CLPTM1: variants seen among roughly 807,000 people sequenced by gnomAD.
The protein encoded by CLPTM1 is CLPTM1 regulator of GABA type A receptor forward trafficking.
In CLPTM1, 21 loss-of-function variants were observed where a neutral mutation model predicts 77.3. That is an observed-to-expected ratio of 0.27 (90% CI 0.19 to 0.39). CLPTM1 has a LOEUF of 0.39. CLPTM1 is among the 10% of genes least tolerant of loss of function. The pLI is 1.00. For missense variants in CLPTM1, 642 were observed against 921.2 expected, an observed-to-expected ratio of 0.70 and a Z score of 3.92; for synonymous variants, 373 against 381.0, an observed-to-expected ratio of 0.98 and a Z score of 0.24.
chr19:44,967,966 A>G (rs1568383004), intron 2 of CLPTM1, among the ~76,000 whole-genome samples: 1 of 152,174 alleles, frequency 6.6e-6, no homozygotes, highest in Non-Finnish European at 1.5e-5. Flanking sequence ...TCATGCTGCA[A>G]GCAGCTCTGC....
chr19:44,988,673 G>T (rs560810276), intron 9 of CLPTM1, among the ~76,000 whole-genome samples: 2 of 152,358 alleles, frequency 1.3e-5, no homozygotes, highest in Non-Finnish European at 2.9e-5. Flanking sequence ...CTCCCCAGTA[G>T]CTCCTTGAGC....
Position 44,988,065 on chromosome 19 carries a change from A to AT in CLPTM1, c.1039-14dup. The AT allele has an allele frequency of 6.3e-7, 1 of 1,590,284 alleles. No homozygotes were observed. Among genetic ancestry groups the AT allele is most frequent in the Non-Finnish European group, 8.6e-7 (1 of 1,158,334 alleles). Reference sequence around the variant, plus strand: ...CTGGGTGGGGACAGGCTGTGCTCACATGTGTCCCCTGCAGGTGGCCCTGCT... The same window carrying AT: ...CTGGGTGGGGACAGGCTGTGCTCACATTGTGTCCCCTGCAGGTGGCCCTGCT... On this transcript the variant is annotated splice_polypyrimidine_tract_variant and intron_variant, in intron 8 of 13. Transcript: ENST00000337392.
chr19:44,954,632 A>G (rs1970428262), upstream of CLPTM1: 1 of 1,092,402 alleles, frequency 9.2e-7, no homozygotes, highest in African/African-American at 1.6e-5. Context: ...TTAGAGCTGT[A>G]CGAAGACACA....
At chr19:44,958,519 C>G (rs981830774) in intron 1 of CLPTM1, among the ~76,000 whole-genome samples, 14 of 152,078 alleles carry the variant, frequency 9.2e-5, no homozygotes, top group Non-Finnish European at 2.1e-4. Flanking sequence ...TTACAAGCAC[C>G]TGCCACCACA....
intron 2 of CLPTM1, among the ~76,000 whole-genome samples, chr19:44,970,213 C>T (rs1370091585): frequency 4.1e-5 from 6 of 147,122 alleles, no homozygotes; most frequent in Admixed American, 2.0e-4. Context: ...AGCTGCCCTT[C>T]GTGACTCCTT....
At chr19:44,986,387 G>A (rs1600043143) in intron 6 of CLPTM1, 68 bp from the exon 7 acceptor site, 5 of 1,580,656 alleles carry the variant, frequency 3.2e-6, no homozygotes, top group East Asian at 2.2e-5. Flanking sequence ...GGGAGGAAGT[G>A]TACAGAGAGT....
intron 3 of CLPTM1, among the ~76,000 whole-genome samples, chr19:44,974,228 G>T (rs537816684): frequency 1.8e-4 from 28 of 152,278 alleles, no homozygotes; most frequent in Non-Finnish European, 3.5e-4. Flanking sequence ...AGTGTTCTTT[G>T]TTCGTTGACT....
At chr19:44,960,846 C>T (rs895625804) in intron 1 of CLPTM1, among the ~76,000 whole-genome samples, 3 of 152,188 alleles carry the variant, frequency 2.0e-5, no homozygotes, top group Non-Finnish European at 4.4e-5. Context: ...CTTGAGCTAA[C>T]TGTGACTGTG....
Position 44,991,116 on chromosome 19 carries a change from G to A in CLPTM1, c.1420-122G>A. On this transcript the variant is annotated intron_variant, in intron 11 of 13. Coordinates refer to ENST00000337392, the MANE Select transcript of CLPTM1 (RefSeq NM_001294.4). This position sits in a 1 kb window ranked among gnomAD's most constrained non-coding sequence, Gnocchi z 5.4. ...TCCCTGGGCGAGTCCGGAGTCCCCA[G>A]GGCTACCTGGAAATTCCCCCTGCCC... 6.5e-7 allele frequency: 1 copy of A among 1,532,222 alleles called. No homozygotes were observed. The highest frequency in any genetic ancestry group is 8.9e-7 in the Non-Finnish European group (1 of 1,126,628). 94.9% of individuals were successfully genotyped at this position (1,532,222 alleles called of 1,614,324 possible).
chr19:44,967,099 C>T (rs1270807965), intron 2 of CLPTM1, among the ~76,000 whole-genome samples: 3 of 152,106 alleles, frequency 2.0e-5, no homozygotes, highest in African/African-American at 7.2e-5. Flanking sequence ...CCTCGGGCTC[C>T]CAAAGTGCTG....
At chr19:44,962,536 TC>T (rs1193089779) in intron 2 of CLPTM1, among the ~76,000 whole-genome samples, 2 of 152,122 alleles carry the variant, frequency 1.3e-5, no homozygotes, top group Non-Finnish European at 2.9e-5. Context: ...ATGTGGTCTT[TC>T]CTCTGTGTGT....
intron 7 of CLPTM1, chr19:44,986,941 C>T (rs1470904996): frequency 1.7e-6 from 1 of 575,286 alleles, no homozygotes; most frequent in Non-Finnish European, 3.0e-6. Flanking sequence ...CACAGGGCAG[C>T]CGTGGGCTGG....
chr19:44,980,360 T>A (rs946330707), intron 5 of CLPTM1, among the ~76,000 whole-genome samples: 3 of 151,840 alleles, frequency 2.0e-5, no homozygotes, highest in African/African-American at 7.3e-5. Context: ...AATACAAAAC[T>A]TAGCTGGGCA....
chr19:44,988,397 G>T (rs1266330318), intron 9 of CLPTM1, among the ~76,000 whole-genome samples: 1 of 152,240 alleles, frequency 6.6e-6, no homozygotes, highest in East Asian at 1.9e-4. Flanking sequence ...CTGGCCCGCT[G>T]GTGGGGCAGA....
rs142360429 is a variant in CLPTM1, at chr19:44,990,579, C to T, written c.1317C>T (p.Asp439=). The change falls in exon 10 of 14, where the codon GAC becomes GAT. Residue 439 remains aspartate (D), a synonymous_variant. Coordinates refer to ENST00000337392, the MANE Select transcript of CLPTM1 (RefSeq NM_001294.4). The surrounding 1 kb of genome is among the most constrained non-coding windows in gnomAD (Gnocchi z 4.8). ...IDLWKITKVM[D]VRLDREHRVA... ...TCTGGAAGATCACCAAGGTCATGGA[C>T]GTCCGGGTAAGGCTGGGGCGCCATG... 5.6e-6 allele frequency: 9 copies of T among 1,613,520 alleles called. No individual in the cohort carries two copies. The highest frequency in any genetic ancestry group is 2.7e-5 in the African/African-American group (2 of 75,010).
chr19:44,974,503 T>A lies in CLPTM1; in HGVS notation c.374T>A (p.Phe125Tyr), dbSNP rs2122283990. 10 of 1,614,162 alleles carry A rather than the reference T, an allele frequency of 6.2e-6. No individual in the cohort carries two copies. Among genetic ancestry groups the A allele is most frequent in the Non-Finnish European group, 8.5e-6 (10 of 1,180,020 alleles). ...GACTTCAACGCCACGTCGGCACTCT[T>A]CTGGGAACAGCACGATCTTGTGTAT... is the stretch of plus-strand genomic sequence containing the variant. The part of the protein sequence containing the change: ...FTDFNATSAL[F>Y]WEQHDLVYGD... Residue 125 changes from phenylalanine (F) to tyrosine (Y), a missense_variant, in exon 4 of 14, where the codon TTC becomes TAC. Phe to Tyr is a conservative substitution (Grantham distance 22). Coordinates refer to ENST00000337392, the MANE Select transcript of CLPTM1 (RefSeq NM_001294.4).
At position 44,973,085 on chromosome 19, in the gene CLPTM1, A is replaced by G. The variant is rs1195335160; in HGVS notation, c.186-2A>G. The G allele has an allele frequency of 6.2e-7, 1 of 1,613,524 alleles. No individual in the cohort carries two copies. The highest frequency in any genetic ancestry group is 1.7e-5 in the Admixed American group (1 of 59,966). Reference sequence around the variant, plus strand: ...TCACCACCTTGCTGCTTCTCTCCTCAGGATCTTCATCATCTGGGCCATCAG... The same window carrying G: ...TCACCACCTTGCTGCTTCTCTCCTCGGGATCTTCATCATCTGGGCCATCAG... On this transcript the variant is annotated splice_acceptor_variant, in intron 2 of 13. Coordinates refer to ENST00000337392, the MANE Select transcript of CLPTM1 (RefSeq NM_001294.4). LOFTEE classifies it high-confidence loss of function.
At chr19:44,985,781 G>A (rs1970967466) in intron 6 of CLPTM1, among the ~76,000 whole-genome samples, 1 of 152,220 alleles carries the variant, frequency 6.6e-6, no homozygotes, top group African/African-American at 2.4e-5. Context: ...TGGGCACTAA[G>A]AGACTTCCTC....
At chr19:44,956,000 G>A (rs1051144951) in intron 1 of CLPTM1, among the ~76,000 whole-genome samples, 6 of 152,230 alleles carry the variant, frequency 3.9e-5, no homozygotes, top group Admixed American at 1.3e-4. Flanking sequence ...TTATGTAGAA[G>A]TTACAAGACA....
Sources: allele counts gnomAD v4.1 joint callset (sites outside exome capture counted in the v4.1 genomes callset), GRCh38; gene constraint gnomAD v4.1.1; non-coding constraint Gnocchi (gnomAD v3.1); transcripts MANE v1.5; gene names NCBI Gene and HGNC (gene_info 2026-07-23, HGNC 2026-07-21).